Variants in ADCY5 observed in about 807,000 individuals in gnomAD.
ADCY5 encodes adenylate cyclase type 5.
A neutral mutation model predicts 119.7 loss-of-function variants in ADCY5; 30 were observed. That is an observed-to-expected ratio of 0.25 (90% CI 0.19 to 0.34). ADCY5 has a LOEUF of 0.34. Ranked by LOEUF, ADCY5 falls within the 10% of genes least tolerant of loss-of-function variation. ADCY5 has a pLI of 1.00. For synonymous variants in ADCY5, 753 were observed against 762.2 expected (o/e 0.99, Z 0.20); for missense variants, 1,324 against 1,775.2 (o/e 0.75, Z 4.57).
At chr3:123,411,098 C>T (rs148321893) in intron 1 of ADCY5, among the ~76,000 whole-genome samples, 4 of 152,282 alleles carry the variant, frequency 2.6e-5, no homozygotes, top group African/African-American at 4.8e-5. Flanking sequence ...AAGCCTAACC[C>T]GTTCCCTCCA....
At chr3:123,290,978 G>A (rs1257874578) in intron 18 of ADCY5, 135 bp downstream of exon 18, 30 of 1,214,268 alleles carry the variant, frequency 2.5e-5, no homozygotes, top group South Asian at 6.4e-5. Context: ...TCAGGTTCCC[G>A]CCGGCAGAGC....
Position 123,325,708 on chromosome 3 carries a change from T to C in ADCY5, c.1948-246A>G, listed in dbSNP as rs73858736. Among the ~76,000 whole-genome samples the C allele has an allele frequency of 0.053, 7,998 of 152,240 alleles. 670 individuals carry two copies. Among genetic ancestry groups the C allele is most frequent in the African/African-American group, 0.18 (7,390 of 41,538 alleles). On this transcript the variant is annotated intron_variant, in intron 7 of 20. Transcript: ENST00000462833. ...GGGAGTGGCAAAAGATGATGAGAGT[T>C]GGTCTTGTGAGAAAGCAAAGAGCTT...
intron 8 of ADCY5, among the ~76,000 whole-genome samples, chr3:123,324,864 G>T (rs996606751): frequency 3.3e-5 from 5 of 152,232 alleles, no homozygotes; most frequent in Non-Finnish European, 7.3e-5. Context: ...AAAGCACTAG[G>T]ATAGTTTCTG....
At chr3:123,367,606 AC>A (rs1943490622) in intron 1 of ADCY5, among the ~76,000 whole-genome samples, 1 of 152,056 alleles carries the variant, frequency 6.6e-6, no homozygotes, top group African/African-American at 2.4e-5. Context: ...AGTAGTGGTG[AC>A]AGCTGAGGGT....
chr3:123,346,607 T>TTTCTCTCTCTCTCTC (rs1553731594), intron 3 of ADCY5, among the ~76,000 whole-genome samples: 2 of 128,072 alleles, frequency 1.6e-5, no homozygotes, highest in Non-Finnish European at 3.6e-5. Flanking sequence ...CAGCCTCACC[T>TTTCTCTCTCTCTCTC]TCTCTCTCTC....
At chr3:123,416,789 G>C (rs1433512965) in intron 1 of ADCY5, among the ~76,000 whole-genome samples, 1 of 152,128 alleles carries the variant, frequency 6.6e-6, no homozygotes, top group East Asian at 1.9e-4. Context: ...GTATTTGTGT[G>C]TGTGTATGCA....
At position 123,289,953 on chromosome 3, in the gene ADCY5, A is replaced by G; in HGVS notation, c.3329T>C (p.Ile1110Thr). 6.2e-7 allele frequency: 1 copy of G among 1,614,054 alleles called. No individual in the cohort carries two copies. Among genetic ancestry groups the G allele is most frequent in the Non-Finnish European group, 8.5e-7 (1 of 1,179,974 alleles). The change falls in exon 19 of 21, where the codon ATC (isoleucine) becomes ACC (threonine). Residue 1110 changes from isoleucine to threonine, a missense_variant and splice_region_variant. By Grantham distance (89) the Ile-to-Thr change is moderately conservative. Coordinates refer to ENST00000462833, the MANE Select transcript of ADCY5 (RefSeq NM_183357.3). ...LNEIIADFDE[I>T]ISEDRFRQLE... ...CTGCCGGAACCGATCCTCGCTGATG[A>G]TCTGGATGAAGGAGGCCAAACCTGG...
intron 1 of ADCY5, chr3:123,416,249 CCT>C: frequency 6.5e-7 from 1 of 1,536,140 alleles, no homozygotes; most frequent in Non-Finnish European, 8.7e-7. Context: ...CTGCAACAGC[CCT>C]CTTTCTGAGA....
chr3:123,345,342 G>A lies in ADCY5; in HGVS notation c.1406+2440C>T, dbSNP rs1369192223. Among the ~76,000 whole-genome samples the A allele has an allele frequency of 6.6e-5, 10 of 152,390 alleles. No individual in the cohort carries two copies. In the South Asian group the frequency reaches 1.2e-3, roughly 19 times the overall value. On this transcript the variant is annotated intron_variant, in intron 3 of 20. Coordinates refer to ENST00000462833, the MANE Select transcript of ADCY5 (RefSeq NM_183357.3). The stretch of plus-strand genomic sequence containing the variant: ...TGGCCGAGGCAGGCTGGGAAGCTGT[G>A]CTGGAGGTGCTAGACTGCTTCTGAG...
At chr3:123,346,607 T>TTTCTCTCTC (rs1553731594) in intron 3 of ADCY5, among the ~76,000 whole-genome samples, 3 of 128,072 alleles carry the variant, frequency 2.3e-5, no homozygotes, top group Non-Finnish European at 1.8e-5. Context: ...CAGCCTCACC[T>TTTCTCTCTC]TCTCTCTCTC....
chr3:123,349,897 C>T (rs11719201), intron 2 of ADCY5, among the ~76,000 whole-genome samples: 29,614 of 151,982 alleles, frequency 0.19, 3,114 homozygotes, highest in Admixed American at 0.26. Flanking sequence ...CTAAAATACA[C>T]CAGACCATGT....
chr3:123,339,275 G>A (rs1490216372), intron 3 of ADCY5, among the ~76,000 whole-genome samples: 5 of 152,108 alleles, frequency 3.3e-5, no homozygotes, highest in African/African-American at 4.8e-5. Flanking sequence ...AATCCTTTGG[G>A]CTCACATGTC....
chr3:123,303,708 C>A (rs1405651270), intron 13 of ADCY5, among the ~76,000 whole-genome samples: 1 of 152,134 alleles, frequency 6.6e-6, no homozygotes, highest in East Asian at 1.9e-4. Flanking sequence ...ACCTGTAGTC[C>A]CAGCTACTTG....
At chr3:123,433,847 G>A (rs1945563744) in intron 1 of ADCY5, among the ~76,000 whole-genome samples, 1 of 152,130 alleles carries the variant, frequency 6.6e-6, no homozygotes, top group Non-Finnish European at 1.5e-5. Context: ...CATCACTTCT[G>A]ATACCTCTTC....
chr3:123,360,720 A>G (rs1004201733), intron 1 of ADCY5, among the ~76,000 whole-genome samples: 1 of 152,248 alleles, frequency 6.6e-6, no homozygotes, highest in East Asian at 1.9e-4. Context: ...AATATTGACA[A>G]ATCAACAATT....
intron 12 of ADCY5, 95 bp downstream of exon 12, chr3:123,314,140 C>T (rs553395219): frequency 4.9e-5 from 46 of 945,508 alleles, no homozygotes; most frequent in Non-Finnish European, 7.0e-5. Context: ...GCACAATACT[C>T]GGGCCCCTTC....
chr3:123,383,887 TTCC>T (rs1488615210), intron 1 of ADCY5, among the ~76,000 whole-genome samples: 5 of 146,250 alleles, frequency 3.4e-5, no homozygotes, highest in African/African-American at 5.1e-5. Context: ...ACACACACTC[TTCC>T]TCAAGGTGCA....
At chr3:123,310,846 C>T (rs567824593) in intron 12 of ADCY5, among the ~76,000 whole-genome samples, 214 of 152,190 alleles carry the variant, frequency 1.4e-3, no homozygotes, top group African/African-American at 5.1e-3. Flanking sequence ...CCAAGTTAGC[C>T]CCGCTGAGAA....
intron 2 of ADCY5, among the ~76,000 whole-genome samples, chr3:123,349,645 C>T (rs1259444431): frequency 6.6e-6 from 1 of 152,178 alleles, no homozygotes; most frequent in African/African-American, 2.4e-5. Flanking sequence ...AAAGCAAAGC[C>T]CATGTCCCCC....
Sources: gnomAD v4.1 joint callset for allele counts (sites outside exome capture counted in the v4.1 genomes callset) on GRCh38, gnomAD v4.1.1 for gene constraint, MANE v1.5 for transcripts, NCBI Gene and HGNC (gene_info 2026-07-23, HGNC 2026-07-21) for gene names.